The following DLC1 variants were observed in gnomAD, a reference collection of about 807,000 sequenced individuals.
DLC1 encodes the protein rho GTPase-activating protein 7.
A neutral mutation model predicts 140.3 loss-of-function variants in DLC1; 54 were observed. The ratio of observed to expected loss-of-function variants is 0.38; its 90% CI spans 0.31 to 0.48. The LOEUF is 0.48. DLC1 is among the 20% of genes least tolerant of loss of function. The probability of loss-of-function intolerance (pLI) is 0.96; values close to 1 mark genes in which losing one functional copy is unlikely to be tolerated. For missense variants in DLC1, 2,536 were observed against 1,907.0 expected, an observed-to-expected ratio of 1.33 and a Z score of -6.14; for synonymous variants, 986 against 728.1, an observed-to-expected ratio of 1.35 and a Z score of -5.70.
In DLC1 at chr8:13,499,672, T is replaced by C; in HGVS notation, c.400A>G (p.Lys134Glu). 2 of 1,614,212 alleles carry C rather than the reference T, an allele frequency of 1.2e-6. No individual in the cohort carries two copies. Among genetic ancestry groups the C allele is most frequent in the African/African-American group, 2.7e-5 (2 of 75,066 alleles). Residue 134 changes from lysine to glutamate, a missense_variant, in exon 2 of 18, where the codon AAA becomes GAA. Coordinates refer to ENST00000276297, the MANE Select transcript of DLC1 (RefSeq NM_182643.3). ...TGGATCATATGTTGGCCTGATGTTT[T>C]CTGCCCTTGGGTATTTAAAACCTGT... is the stretch of plus-strand genomic sequence containing the variant. Reference protein sequence around the residue: ...DKQVLNTQGQKTSGQHMIQGA... With the variant: ...DKQVLNTQGQETSGQHMIQGA...
chr8:13,600,693 T>C (rs900929574), intron 1 of DLC1, among the ~76,000 whole-genome samples: 1 of 151,922 alleles, frequency 6.6e-6, no homozygotes, highest in African/African-American at 2.4e-5. Context: ...TCTTGGTATT[T>C]GAAGAATTAA....
chr8:13,096,746 G>C (rs1168527294), intron 10 of DLC1, among the ~76,000 whole-genome samples: 1 of 152,194 alleles, frequency 6.6e-6, no homozygotes, highest in Middle Eastern at 3.2e-3. Flanking sequence ...GAGAGGAGGA[G>C]CTGGAGACAA....
rs568482344 is a variant in DLC1, at chr8:13,238,516, AAAAG to A, written c.1348+66749_1348+66752del. Among the ~76,000 whole-genome samples, 322 of 151,396 alleles carry A rather than the reference AAAAG, an allele frequency of 2.1e-3. 4 individuals are homozygous for A. Among genetic ancestry groups the A allele is most frequent in the African/African-American group, 6.8e-3 (278 of 40,886 alleles). ...TGACAGAGCAAGACCCTGTCTCAAA[AAAAG>A]AAAGAAAGAAAAAAAAAAGTGCTCT... On this transcript the variant is annotated intron_variant, in intron 5 of 17. Coordinates refer to ENST00000276297, the MANE Select transcript of DLC1 (RefSeq NM_182643.3).
chr8:13,510,586 A>C (rs1221765825), intron 1 of DLC1, among the ~76,000 whole-genome samples: 1 of 152,216 alleles, frequency 6.6e-6, no homozygotes, highest in Non-Finnish European at 1.5e-5. Context: ...GCAGAAACTC[A>C]AAGTAGTTAC....
intron 1 of DLC1, among the ~76,000 whole-genome samples, chr8:13,523,478 A>C (rs1802819974): frequency 6.6e-6 from 1 of 152,186 alleles, no homozygotes; most frequent in African/African-American, 2.4e-5. Flanking sequence ...AGAAGTGTTA[A>C]AGAGGCAGTT....
At chr8:13,188,080 ATTTTTT>A (rs34182663) in intron 5 of DLC1, among the ~76,000 whole-genome samples, 1 of 119,168 alleles carries the variant, frequency 8.4e-6, no homozygotes, top group Non-Finnish European at 1.7e-5. Context: ...AACAGTGGCA[ATTTTTT>A]TTTTTTTTTT....
At chr8:13,442,398 A>G (rs963930743) in intron 2 of DLC1, among the ~76,000 whole-genome samples, 3 of 152,204 alleles carry the variant, frequency 2.0e-5, no homozygotes, top group African/African-American at 7.2e-5. Context: ...AAAAGAAACT[A>G]CCATCACAGT....
At chr8:13,386,897 A>C (rs1481222999) in intron 4 of DLC1, among the ~76,000 whole-genome samples, 1 of 152,080 alleles carries the variant, frequency 6.6e-6, no homozygotes, top group Non-Finnish European at 1.5e-5. Flanking sequence ...TACCAACAGA[A>C]GCAAATCTTT....
At chr8:13,269,701 CAAAAAAAAAA>C (rs57030004) in intron 5 of DLC1, among the ~76,000 whole-genome samples, 18,307 of 99,842 alleles carry the variant, frequency 0.18, 1,905 homozygotes, top group African/African-American at 0.38. Flanking sequence ...AAAACTCTGT[CAAAAAAAAAA>C]AAAAAAAAAA....
chr8:13,244,108 C>T (rs1334415464), intron 5 of DLC1, among the ~76,000 whole-genome samples: 1 of 152,176 alleles, frequency 6.6e-6, no homozygotes. Context: ...TCCCCAGGCA[C>T]TAATTATTTT....
In DLC1 at chr8:13,098,537, C is replaced by T. The variant is rs201145872; in HGVS notation, c.3029G>A (p.Arg1010Gln). The part of the protein sequence containing the change: ...LRWHSFQSSH[R>Q]PSLNSVSLQI... Reference sequence around the variant, plus strand: ...TAGTGATACAGAGTTGAGGCTTGGCCGATGTGAGCTCTGGAAACTGTGCCA... The same window carrying T: ...TAGTGATACAGAGTTGAGGCTTGGCTGATGTGAGCTCTGGAAACTGTGCCA... The change falls in exon 10 of 18, where the codon CGG becomes CAG. Residue 1010 changes from arginine (R) to glutamine (Q), a missense_variant. Coordinates refer to ENST00000276297, the MANE Select transcript of DLC1 (RefSeq NM_182643.3). 61 of 1,613,988 alleles carry T rather than the reference C, an allele frequency of 3.8e-5. No individual in the cohort carries two copies. The highest frequency in any genetic ancestry group is 5.3e-5 in the African/African-American group (4 of 74,916).
chr8:13,118,317 C>T (rs1820753040), intron 5 of DLC1, among the ~76,000 whole-genome samples: 1 of 152,164 alleles, frequency 6.6e-6, no homozygotes, highest in South Asian at 2.1e-4. Flanking sequence ...TTTGCTTCTT[C>T]AGCAGATAAT....
rs553717435 is a variant in DLC1 at position 13,159,493 on chromosome 8, G to C, written c.1349-43836C>G. On this transcript the variant is annotated intron_variant, in intron 5 of 17. Transcript: ENST00000276297. ...ACTTAGTGGGCTCTCCGGGCTCTGT[G>C]CCCTCTCCCTTGCTGAAGGCACCAT... is the stretch of plus-strand genomic sequence containing the variant. 2.2e-3 allele frequency among the ~76,000 whole-genome samples: 341 copies of C among 152,270 alleles called. 1 individual carries two copies. The highest frequency in any genetic ancestry group is 7.7e-3 in the African/African-American group (321 of 41,566).
At chr8:13,160,102 G>A (rs1024674118) in intron 5 of DLC1, 6 of 152,274 alleles carry the variant, frequency 3.9e-5, no homozygotes, top group African/African-American at 1.4e-4. Flanking sequence ...AGGGTGCAGT[G>A]AGCCGAGATT....
At chr8:13,480,289 G>A (rs1019046967) in intron 2 of DLC1, among the ~76,000 whole-genome samples, 9 of 152,170 alleles carry the variant, frequency 5.9e-5, no homozygotes, top group African/African-American at 2.2e-4. Flanking sequence ...ATGTGATTAA[G>A]TTATTCAGGG....
intron 5 of DLC1, among the ~76,000 whole-genome samples, chr8:13,126,926 C>T (rs768920853): frequency 6.6e-6 from 1 of 152,162 alleles, no homozygotes; most frequent in Admixed American, 6.5e-5. Context: ...ATATTTTCGT[C>T]CATTCTAACA....
At chr8:13,132,187 C>T (rs1331071897) in intron 5 of DLC1, among the ~76,000 whole-genome samples, 1 of 149,402 alleles carries the variant, frequency 6.7e-6, no homozygotes, top group Non-Finnish European at 1.5e-5. Context: ...CGACCCATCT[C>T]CGGGAAAAAA....
chr8:13,323,078 C>A (rs1334026325), intron 4 of DLC1, among the ~76,000 whole-genome samples: 1 of 152,184 alleles, frequency 6.6e-6, no homozygotes, highest in Non-Finnish European at 1.5e-5. Flanking sequence ...CTAGTCAAGT[C>A]TGTGGAAAAC....
chr8:13,170,515 G>A (rs1183337286), intron 5 of DLC1, among the ~76,000 whole-genome samples: 2 of 152,124 alleles, frequency 1.3e-5, no homozygotes, highest in East Asian at 1.9e-4. Flanking sequence ...CGGATCATGA[G>A]GTCAGGAAAT....
Sources: allele counts gnomAD v4.1 joint callset (sites outside exome capture counted in the v4.1 genomes callset), GRCh38; gene constraint gnomAD v4.1.1; transcripts MANE v1.5; gene names NCBI Gene and HGNC (gene_info 2026-07-23, HGNC 2026-07-21).